Variants in PID1 observed in about 807,000 individuals in gnomAD.
The protein encoded by PID1 is PTB-containing, cubilin and LRP1-interacting protein.
Under a neutral mutation model 19.1 loss-of-function variants are expected in PID1, and 10 were observed. That is an observed-to-expected ratio of 0.52 (90% CI 0.32 to 0.89). The LOEUF (loss-of-function observed/expected upper bound fraction) is 0.89. Among genes scored for constraint, PID1 ranks in the 40% least tolerant of loss-of-function variants. The pLI is 0.03. For missense variants in PID1, 248 were observed against 285.3 expected, an observed-to-expected ratio of 0.87 and a Z score of 0.94; for synonymous variants, 130 against 116.0, an observed-to-expected ratio of 1.12 and a Z score of -0.78.
At chr2:229,123,494 G>A (rs1277451537) in intron 2 of PID1, among the ~76,000 whole-genome samples, 2 of 152,194 alleles carry the variant, frequency 1.3e-5, no homozygotes, top group East Asian at 3.9e-4. Context: ...ATTTGTGCAT[G>A]TTTTTGCACA....
chr2:229,205,918 T>C (rs568514428), intron 1 of PID1, among the ~76,000 whole-genome samples: 2 of 152,280 alleles, frequency 1.3e-5, no homozygotes, highest in East Asian at 3.9e-4. Flanking sequence ...TTTCGTACAT[T>C]TGCTCTGCCC....
intron 1 of PID1, among the ~76,000 whole-genome samples, chr2:229,220,228 A>C (rs1227276226): frequency 6.6e-6 from 1 of 152,150 alleles, no homozygotes; most frequent in Non-Finnish European, 1.5e-5. Flanking sequence ...TATGTTGCCC[A>C]GGCTCCCATG....
At chr2:229,219,135 T>A (rs906885169) in intron 1 of PID1, among the ~76,000 whole-genome samples, 2 of 152,226 alleles carry the variant, frequency 1.3e-5, no homozygotes, top group Admixed American at 6.5e-5. Flanking sequence ...CAGGCCCTTT[T>A]AATTAACTTA....
At chr2:229,079,963 G>A (rs547183540) in intron 2 of PID1, among the ~76,000 whole-genome samples, 1 of 152,240 alleles carries the variant, frequency 6.6e-6, no homozygotes, top group Non-Finnish European at 1.5e-5. Flanking sequence ...AGTGGGTCCA[G>A]GAGGGAGCTT....
intron 1 of PID1, among the ~76,000 whole-genome samples, chr2:229,258,147 C>T (rs573429533): frequency 6.6e-6 from 1 of 152,328 alleles, no homozygotes; most frequent in Non-Finnish European, 1.5e-5. Flanking sequence ...ATGGGAGAGT[C>T]AGCTGGAACA....
At chr2:229,227,053 A>G in intron 1 of PID1, among the ~76,000 whole-genome samples, 1 of 152,200 alleles carries the variant, frequency 6.6e-6, no homozygotes, top group East Asian at 1.9e-4. Flanking sequence ...GTGAAGAAAA[A>G]ACAAATAAAC....
At chr2:229,116,237 A>C (rs1406498087) in intron 2 of PID1, among the ~76,000 whole-genome samples, 1 of 152,130 alleles carries the variant, frequency 6.6e-6, no homozygotes, top group Non-Finnish European at 1.5e-5. Flanking sequence ...AAAATAAATA[A>C]ATTAATAAAT....
chr2:229,030,560 A>G (rs1693524640), intron 2 of PID1, among the ~76,000 whole-genome samples: 1 of 150,226 alleles, frequency 6.7e-6, no homozygotes, highest in African/African-American at 2.5e-5. Context: ...TGGTAGAAAA[A>G]ATCCTGATTT....
chr2:229,146,231 A>G (rs1690126851), intron 2 of PID1, among the ~76,000 whole-genome samples: 1 of 152,160 alleles, frequency 6.6e-6, no homozygotes, highest in Admixed American at 6.6e-5. Context: ...CTGCAAACAG[A>G]AAACCAAACA....
chr2:229,213,436 T>C (rs1691780911), intron 1 of PID1, among the ~76,000 whole-genome samples: 1 of 152,142 alleles, frequency 6.6e-6, no homozygotes, highest in South Asian at 2.1e-4. Context: ...ATTAGGAAAA[T>C]TAAATTCAGA....
chr2:229,255,279 T>G (rs1263923205), intron 1 of PID1, among the ~76,000 whole-genome samples: 1 of 152,206 alleles, frequency 6.6e-6, no homozygotes, highest in Non-Finnish European at 1.5e-5. Flanking sequence ...CAAGTATGTT[T>G]ATGCTAAAAA....
intron 1 of PID1, among the ~76,000 whole-genome samples, chr2:229,212,076 C>G (rs1691748868): frequency 1.5e-5 from 2 of 137,416 alleles, no homozygotes; most frequent in Non-Finnish European, 3.1e-5. Flanking sequence ...AATTCCAGAC[C>G]TACTCAGTTT....
intron 2 of PID1, among the ~76,000 whole-genome samples, chr2:229,099,986 G>T (rs968947679): frequency 6.6e-6 from 1 of 152,250 alleles, no homozygotes; most frequent in South Asian, 2.1e-4. Context: ...GGTTATGAAG[G>T]TGGAACCCTC....
At chr2:229,037,735 A>C (rs1277677814) in intron 2 of PID1, among the ~76,000 whole-genome samples, 7 of 152,176 alleles carry the variant, frequency 4.6e-5, no homozygotes, top group African/African-American at 1.7e-4. Flanking sequence ...CCAGAGGCCC[A>C]AGAACAATTT....
intron 2 of PID1, among the ~76,000 whole-genome samples, chr2:229,099,964 G>A (rs1164763020): frequency 1.3e-5 from 2 of 152,148 alleles, no homozygotes; most frequent in Non-Finnish European, 2.9e-5. Flanking sequence ...TGGGGTCAAG[G>A]GGAGGGAATT....
chr2:229,096,520 T>C (rs760731015), intron 2 of PID1, among the ~76,000 whole-genome samples: 1 of 152,162 alleles, frequency 6.6e-6, no homozygotes, highest in Non-Finnish European at 1.5e-5. Flanking sequence ...CCATGTGACA[T>C]AAAGAAGACA....
rs2106159197 is a variant in PID1 at position 229,024,832 on chromosome 2, T to C, written c.*800A>G. The C allele has an allele frequency of 6.5e-6, 1 of 152,674 alleles. No homozygotes were observed. The highest frequency in any genetic ancestry group is 2.1e-4 in the South Asian group (1 of 4,834). 9.5% of individuals were successfully genotyped at this position (152,674 alleles called of 1,614,324 possible). ...TTTAAACTCCTGGTTTGTTTGACTG[T>C]TTATTTTATTTGCTTGATTGTTTTC... On this transcript the variant is annotated 3_prime_UTR_variant, in exon 3 of 3. Transcript: ENST00000392055.
chr2:229,170,592 C>G (rs1326269557), intron 1 of PID1, among the ~76,000 whole-genome samples: 1 of 152,062 alleles, frequency 6.6e-6, no homozygotes, highest in Non-Finnish European at 1.5e-5. Flanking sequence ...TAATTTTTTT[C>G]TCTTTTCTCT....
At chr2:229,162,551 C>T (rs958546683) in intron 1 of PID1, among the ~76,000 whole-genome samples, 13 of 152,102 alleles carry the variant, frequency 8.5e-5, no homozygotes, top group Admixed American at 6.5e-4. Context: ...TAGTAATGCC[C>T]TAATCGAGCT....
Sources: allele counts gnomAD v4.1 joint callset (sites outside exome capture counted in the v4.1 genomes callset), GRCh38; gene constraint gnomAD v4.1.1; transcripts MANE v1.5; gene names NCBI Gene and HGNC (gene_info 2026-07-23, HGNC 2026-07-21).